The following ZMYND8 variants were observed in gnomAD, a reference collection of about 807,000 sequenced individuals.
ZMYND8 encodes the protein MYND-type zinc finger-containing chromatin reader ZMYND8.
A neutral mutation model predicts 140.8 loss-of-function variants in ZMYND8; 37 were observed. The ratio of observed to expected loss-of-function variants is 0.26; its 90% CI spans 0.20 to 0.35. The LOEUF is 0.35. ZMYND8 is among the 10% of genes least tolerant of loss of function. ZMYND8 has a pLI of 1.00. For missense variants in ZMYND8, 1,068 were observed against 1,570.0 expected (o/e 0.68, Z 5.40); for synonymous variants, 592 against 597.1 (o/e 0.99, Z 0.12).
At chr20:47,335,913 A>T (rs2081353406) in intron 2 of ZMYND8, among the ~76,000 whole-genome samples, 1 of 152,236 alleles carries the variant, frequency 6.6e-6, no homozygotes, top group Non-Finnish European at 1.5e-5. Flanking sequence ...ACAATCTGGT[A>T]GTCATCTAAC....
chr20:47,212,516 CCACAACTCAAAAGAACAGGAGAAGACA>C (rs2035431173), intron 22 of ZMYND8, 99 bp downstream of exon 22: 1 of 1,093,356 alleles, frequency 9.1e-7, no homozygotes, highest in African/African-American at 1.6e-5. Context: ...AAAGGAAGAC[CCACAACTCAAAAGAACAGGAGAAGACA>C]CACCCACAAA....
intron 2 of ZMYND8, chr20:47,320,247 CA>C (rs1269710718): frequency 6.6e-6 from 1 of 152,190 alleles, no homozygotes; most frequent in Non-Finnish European, 1.5e-5. Context: ...GCTAACCAAC[CA>C]AGGTCCCCAT....
intron 15 of ZMYND8, among the ~76,000 whole-genome samples, chr20:47,236,801 G>C (rs956857752): frequency 1.3e-5 from 2 of 152,144 alleles, no homozygotes; most frequent in Non-Finnish European, 2.9e-5. Context: ...CTCAATGCTG[G>C]CAAAAGAACT....
In ZMYND8 at chr20:47,209,770, T is replaced by C. The variant is rs1182296407; in HGVS notation, c.*991A>G. On this transcript the variant is annotated 3_prime_UTR_variant, in exon 23 of 23. Transcript: ENST00000471951. ...GCATGACGGGCCTTGCTTTCTCTCATACTGCCTGTGTTTCATGCTTACATA... is the reference window on the plus strand; with the variant it reads ...GCATGACGGGCCTTGCTTTCTCTCACACTGCCTGTGTTTCATGCTTACATA... 2 of 152,656 alleles carry C rather than the reference T, an allele frequency of 1.3e-5. No homozygotes were observed. Among genetic ancestry groups the C allele is most frequent in the Non-Finnish European group, 2.9e-5 (2 of 68,030 alleles). 9.5% of individuals were successfully genotyped at this position (152,656 alleles called of 1,614,324 possible).
chr20:47,345,141 C>T (rs181342863), intron 2 of ZMYND8, among the ~76,000 whole-genome samples: 14 of 152,160 alleles, frequency 9.2e-5, no homozygotes, highest in African/African-American at 2.6e-4. Context: ...TGCAGTGAGA[C>T]GTTGTCTTTT....
Position 47,343,957 on chromosome 20 carries a change from CTTTTTT to C in ZMYND8, c.85+3893_85+3898del, listed in dbSNP as rs750832298. ...ATGGTCAACATCAACAGTGATAAAT[CTTTTTT>C]TTTTTTTTTTTTTTTCTTTTTGAGA... is the stretch of plus-strand genomic sequence containing the variant. On this transcript the variant is annotated intron_variant, in intron 2 of 22. Coordinates refer to ENST00000471951, the MANE Select transcript of ZMYND8 (RefSeq NM_001281775.3). Among the ~76,000 whole-genome samples, 460 of 119,934 alleles carry C rather than the reference CTTTTTT, an allele frequency of 3.8e-3. 2 individuals are homozygous for C. The highest frequency in any genetic ancestry group is 0.015 in the African/African-American group (440 of 30,154). 78.7% of individuals were successfully genotyped at this position (119,934 alleles called of 152,430 possible).
chr20:47,348,461 A>C (rs996476140), intron 1 of ZMYND8: 5 of 173,354 alleles, frequency 2.9e-5, no homozygotes, highest in African/African-American at 1.2e-4. Flanking sequence ...CCCAGCTAGA[A>C]GCTAAAGACC....
At chr20:47,342,596 A>G (rs1181073779) in intron 2 of ZMYND8, among the ~76,000 whole-genome samples, 1 of 150,362 alleles carries the variant, frequency 6.7e-6, no homozygotes, top group African/African-American at 2.5e-5. Flanking sequence ...CTGTAATCCC[A>G]GCACTTTGGG....
At chr20:47,348,408 G>A (rs1184347370) in intron 1 of ZMYND8, 4 of 168,822 alleles carry the variant, frequency 2.4e-5, no homozygotes, top group East Asian at 1.8e-4. Flanking sequence ...CAGGAACATG[G>A]GAAAAAAAAG....
Position 47,238,801 on chromosome 20 carries a change from C to T in ZMYND8, c.2622G>A (p.Gln874=). Residue 874 remains glutamine, a synonymous_variant, in exon 15 of 23, where the codon CAG becomes CAA. Coordinates refer to ENST00000471951, the MANE Select transcript of ZMYND8 (RefSeq NM_001281775.3). ...QQQQNQQQQP[Q]SSQGTRYQTR... ...TCTGATATCTCGTCCCCTGGGAAGA[C>T]TGAGGCTGCTGCTGCTGGTTTTGCT... 6.2e-7 allele frequency: 1 copy of T among 1,612,838 alleles called. No homozygotes were observed. The highest frequency in any genetic ancestry group is 8.5e-7 in the Non-Finnish European group (1 of 1,179,790).
chr20:47,232,644 C>T (rs2038665777), intron 16 of ZMYND8, among the ~76,000 whole-genome samples: 1 of 152,146 alleles, frequency 6.6e-6, no homozygotes, highest in Admixed American at 6.5e-5. Context: ...TAATCAGACC[C>T]ACTCAGTAGG....
In ZMYND8 at chr20:47,260,341, C is replaced by T. The variant is rs149058736; in HGVS notation, c.1621+1947G>A. Among the ~76,000 whole-genome samples the T allele has an allele frequency of 5.4e-3, 824 of 152,130 alleles. 3 individuals are homozygous for T. Among genetic ancestry groups the T allele is most frequent in the Admixed American group, 7.8e-3 (119 of 15,288 alleles). ...GTGAAGTCCATTCACATCCCTCCTG[C>T]GCTGAACCCTCCATCCACACCAGGG... On this transcript the variant is annotated intron_variant, in intron 12 of 22. Transcript: ENST00000471951.
At chr20:47,252,920 AAAAAT>A (rs2074305740) in intron 12 of ZMYND8, among the ~76,000 whole-genome samples, 1 of 152,222 alleles carries the variant, frequency 6.6e-6, no homozygotes. Context: ...CCTTATCTCA[AAAAAT>A]AAAATAAAAG....
chr20:47,233,428 T>TA (rs1423792002), intron 16 of ZMYND8, among the ~76,000 whole-genome samples: 1 of 152,048 alleles, frequency 6.6e-6, no homozygotes, highest in Non-Finnish European at 1.5e-5. Flanking sequence ...AGGCTGGTCT[T>TA]AAACTCCTGG....
chr20:47,310,015 T>C, intron 3 of ZMYND8, 41 bp downstream of exon 3: 1 of 1,613,406 alleles, frequency 6.2e-7, no homozygotes, highest in Non-Finnish European at 8.5e-7. Flanking sequence ...AGCTGGCCTC[T>C]GTCCCACCAG....
chr20:47,316,363 G>C (rs981205725), intron 2 of ZMYND8, among the ~76,000 whole-genome samples: 2 of 151,152 alleles, frequency 1.3e-5, no homozygotes, highest in Non-Finnish European at 2.9e-5. Flanking sequence ...AAGCATATGA[G>C]GAGATCCTTC....
At chr20:47,349,799 C>A (rs2082622645) in intron 1 of ZMYND8, 2 of 1,530,286 alleles carry the variant, frequency 1.3e-6, no homozygotes, top group Non-Finnish European at 1.7e-6. Context: ...AATCTGTGAT[C>A]CAACTGAAAT....
rs1277188491 is a variant in ZMYND8 at position 47,238,877 on chromosome 20, G to A, written c.2546C>T (p.Ser849Phe). Residue 849 changes from serine to phenylalanine, a missense_variant, in exon 15 of 23, where the codon TCC (serine) becomes TTC (phenylalanine). Transcript: ENST00000471951. ...CATCTTCTGCATGTGCCACTTTTGGGAGGACGTTTGAAACTTACTTGATGA... is the reference window on the plus strand; with the variant it reads ...CATCTTCTGCATGTGCCACTTTTGGAAGGACGTTTGAAACTTACTTGATGA... ...WNSSSKFQTS[S>F]QKWHMQKMQR... The A allele has an allele frequency of 1.2e-6, 2 of 1,613,772 alleles. No homozygotes were observed. Among genetic ancestry groups the A allele is most frequent in the Non-Finnish European group, 1.7e-6 (2 of 1,180,044 alleles).
chr20:47,305,065 C>T (rs1328575785), intron 3 of ZMYND8, among the ~76,000 whole-genome samples: 1 of 151,480 alleles, frequency 6.6e-6, no homozygotes, highest in East Asian at 1.9e-4. Flanking sequence ...CAGCAAGACC[C>T]TATCTCTACA....
Sources: gnomAD v4.1 joint callset for allele counts (sites outside exome capture counted in the v4.1 genomes callset) on GRCh38, gnomAD v4.1.1 for gene constraint, MANE v1.5 for transcripts, NCBI Gene and HGNC (gene_info 2026-07-23, HGNC 2026-07-21) for gene names.